Variants in PHF14 observed in about 807,000 individuals in gnomAD.
The protein encoded by PHF14 is PHD finger protein 14.
In PHF14, 55 loss-of-function variants were observed where a neutral mutation model predicts 117.9. The ratio of observed to expected loss-of-function variants is 0.47; its 90% confidence interval spans 0.38 to 0.58. The LOEUF (loss-of-function observed/expected upper bound fraction) is 0.58. PHF14 is among the 20% of genes least tolerant of loss of function. The pLI, the probability that PHF14 is intolerant of heterozygous loss-of-function variation, is 0.00. For synonymous variants in PHF14, 409 were observed against 368.6 expected, an observed-to-expected ratio of 1.11 and a Z score of -1.26; for missense variants, 978 against 1,122.2, an observed-to-expected ratio of 0.87 and a Z score of 1.84.
At chr7:11,131,245 CTG>C (rs1788083817) in intron 17 of PHF14, among the ~76,000 whole-genome samples, 1 of 151,864 alleles carries the variant, frequency 6.6e-6, no homozygotes, top group Non-Finnish European at 1.5e-5. Context: ...GGCTGCCAAA[CTG>C]TCTTCCAAAA....
intron 2 of PHF14, among the ~76,000 whole-genome samples, chr7:10,977,054 T>C (rs1204473798): frequency 6.6e-6 from 1 of 151,908 alleles, no homozygotes; most frequent in Non-Finnish European, 1.5e-5. Context: ...TCTGCATAGC[T>C]GAGATATTCG....
In PHF14 at chr7:11,064,865, T is replaced by C. The variant is rs1039777062; in HGVS notation, c.2654+2780T>C. Among the ~76,000 whole-genome samples the C allele has an allele frequency of 7.2e-5, 11 of 152,086 alleles. No individual in the cohort carries two copies. In the South Asian group the frequency reaches 8.3e-4, roughly 11 times the overall value. ...GTACATGATCACAATCATACTTGCT[T>C]CATTAGGTACCTTATGGATAATTGC... On this transcript the variant is annotated intron_variant, in intron 16 of 17. Coordinates refer to ENST00000634607, the MANE Select transcript of PHF14 (RefSeq NM_001007157.2).
chr7:11,169,174 A>G (rs896965421), intron 17 of PHF14, among the ~76,000 whole-genome samples: 8 of 152,140 alleles, frequency 5.3e-5, no homozygotes, highest in African/African-American at 1.7e-4. Context: ...GGTGTTTCCA[A>G]AGTAATTTTT....
intron 14 of PHF14, among the ~76,000 whole-genome samples, chr7:11,052,406 T>A (rs1308076096): frequency 1.3e-5 from 2 of 152,178 alleles, no homozygotes; most frequent in Non-Finnish European, 2.9e-5. Context: ...GGCAGTTAGG[T>A]TTTTTTCATG....
intron 16 of PHF14, chr7:11,105,549 G>A (rs1467533905): frequency 1.0e-6 from 1 of 979,588 alleles, no homozygotes; most frequent in Non-Finnish European, 1.2e-6. Context: ...TTTAAAAATG[G>A]CAATTGAAAC....
chr7:10,977,386 G>T (rs1404539226), intron 2 of PHF14, among the ~76,000 whole-genome samples: 1 of 151,978 alleles, frequency 6.6e-6, no homozygotes, highest in African/African-American at 2.4e-5. Context: ...TGGATTCCGT[G>T]GATCAATTTC....
intron 17 of PHF14, among the ~76,000 whole-genome samples, chr7:11,122,619 T>G (rs1010250658): frequency 7.2e-5 from 11 of 151,920 alleles, no homozygotes; most frequent in African/African-American, 2.7e-4. Context: ...ATATGTTTCT[T>G]TATTTGTTTC....
intron 17 of PHF14, among the ~76,000 whole-genome samples, chr7:11,124,366 C>A (rs940243668): frequency 6.6e-6 from 1 of 151,846 alleles, no homozygotes; most frequent in African/African-American, 2.4e-5. Context: ...TTGTTAAATA[C>A]TCTTACATAA....
At chr7:11,073,210 C>A (rs1053821790) in intron 16 of PHF14, among the ~76,000 whole-genome samples, 6 of 152,152 alleles carry the variant, frequency 3.9e-5, no homozygotes, top group Non-Finnish European at 8.8e-5. Flanking sequence ...CAGTGTCTTA[C>A]TGGGGACTCA....
Position 11,057,997 on chromosome 7 carries a change from T to A in PHF14, c.2482-3794T>A, listed in dbSNP as rs1019998171. On this transcript the variant is annotated intron_variant, in intron 14 of 17. Coordinates refer to ENST00000634607, the MANE Select transcript of PHF14 (RefSeq NM_001007157.2). ...ATTAATCAGTTTGGAATTGCACCCT[T>A]GCTTGATTAATCATGTGGAATTTCC... Among the ~76,000 whole-genome samples, 8 of 152,256 alleles carry A rather than the reference T, an allele frequency of 5.3e-5. No individual in the cohort carries two copies. The South Asian group carries it at 8.3e-4, about 16-fold the overall frequency.
chr7:11,076,716 C>T (rs1785868025), intron 16 of PHF14, among the ~76,000 whole-genome samples: 1 of 151,576 alleles, frequency 6.6e-6, no homozygotes, highest in Non-Finnish European at 1.5e-5. Context: ...TACAGGTGCA[C>T]ACCACCACAC....
At chr7:11,153,252 A>C (rs1478034618) in intron 17 of PHF14, among the ~76,000 whole-genome samples, 1 of 152,186 alleles carries the variant, frequency 6.6e-6, no homozygotes, top group Non-Finnish European at 1.5e-5. Flanking sequence ...CACTAGACAG[A>C]TTTTAGATAC....
chr7:11,100,744 A>T (rs1283191723), intron 16 of PHF14, among the ~76,000 whole-genome samples: 1 of 151,948 alleles, frequency 6.6e-6, no homozygotes, highest in Non-Finnish European at 1.5e-5. Flanking sequence ...GAGAAGAATT[A>T]CTTGCCCAAG....
rs182680534 is a variant in PHF14 at position 11,063,011 on chromosome 7, G to A, written c.2654+926G>A. On this transcript the variant is annotated intron_variant, in intron 16 of 17. Transcript: ENST00000634607. Reference sequence around the variant, plus strand: ...ATATTGATAAAACAAATATATTAGTGTTGTTGTATGTTTTTAAATACTTAC... The same window carrying A: ...ATATTGATAAAACAAATATATTAGTATTGTTGTATGTTTTTAAATACTTAC... The A allele has an allele frequency of 1.8e-3, 1,397 of 786,254 alleles. 8 individuals are homozygous for A. Among genetic ancestry groups the A allele is most frequent in the Middle Eastern group, 2.0e-3 (3 of 1,526 alleles). 48.7% of individuals were successfully genotyped at this position (786,254 alleles called of 1,614,324 possible).
chr7:11,158,184 C>T (rs1321082112), intron 17 of PHF14, among the ~76,000 whole-genome samples: 1 of 152,104 alleles, frequency 6.6e-6, no homozygotes, highest in Non-Finnish European at 1.5e-5. Flanking sequence ...AATCCAGGAT[C>T]TCCTGTTTCA....
chr7:11,130,324 T>G lies in PHF14; in HGVS notation c.2772+18857T>G, dbSNP rs916252750. On this transcript the variant is annotated intron_variant, in intron 17 of 17. Coordinates refer to ENST00000634607, the MANE Select transcript of PHF14 (RefSeq NM_001007157.2). This position sits in a 1 kb window ranked among gnomAD's most constrained non-coding sequence, Gnocchi z 4.2. ...ATATGCTACCATACTTCCAAGACCTTTCTGGGATTCATTCCAGGATTCAAG... is the reference window on the plus strand; with the variant it reads ...ATATGCTACCATACTTCCAAGACCTGTCTGGGATTCATTCCAGGATTCAAG... Among the ~76,000 whole-genome samples the G allele has an allele frequency of 2.0e-5, 3 of 151,988 alleles. No homozygotes were observed. The highest frequency in any genetic ancestry group is 4.4e-5 in the Non-Finnish European group (3 of 67,932).
At chr7:10,990,992 ATCTTT>A (rs1448430318) in intron 4 of PHF14, 145 bp downstream of exon 4, 1 of 586,808 alleles carries the variant, frequency 1.7e-6, no homozygotes, top group African/African-American at 1.9e-5. Context: ...TTTTCAGGTT[ATCTTT>A]TCTTTTATTT....
chr7:11,162,072 C>CTTTTTTTTTTTTTTTTTTTTTTTTT (rs564998009), intron 17 of PHF14, among the ~76,000 whole-genome samples: 6 of 70,300 alleles, frequency 8.5e-5, no homozygotes, highest in Non-Finnish European at 1.5e-4. Context: ...AAAAATATGT[C>CTTTTTTTTTTTTTTTTTTTTTTTTT]TTTTTTTTTT....
chr7:11,023,254 C>G (rs1285572638), intron 6 of PHF14, among the ~76,000 whole-genome samples: 1 of 152,120 alleles, frequency 6.6e-6, no homozygotes, highest in African/African-American at 2.4e-5. Context: ...AATACATAGA[C>G]CAAAACCTTA....
Sources: gnomAD v4.1 joint callset for allele counts (sites outside exome capture counted in the v4.1 genomes callset) on GRCh38, gnomAD v4.1.1 for gene constraint, Gnocchi (gnomAD v3.1) non-coding constraint, MANE v1.5 for transcripts, NCBI Gene and HGNC (gene_info 2026-07-23, HGNC 2026-07-21) for gene names.